WDR87: variants seen among roughly 807,000 people sequenced by gnomAD.
The protein encoded by WDR87 is WD repeat-containing protein 87.
WDR87 carries 56 observed loss-of-function variants against 83.3 expected under a neutral mutation model. That is an observed-to-expected ratio of 0.67 (90% CI 0.54 to 0.84). The LOEUF is 0.84. Ranked by LOEUF, WDR87 falls within the 40% of genes least tolerant of loss-of-function variation. The pLI is 0.00. For synonymous variants in WDR87, 1,173 were observed against 1,250.6 expected, an observed-to-expected ratio of 0.94 and a Z score of 1.31; for missense variants, 2,939 against 3,431.9, an observed-to-expected ratio of 0.86 and a Z score of 3.59.
Position 37,886,108 on chromosome 19 carries a change from G to T in WDR87, c.7563C>A (p.His2521Gln). ...RRTVEAEELQ[H>Q]KPLGAWWKWF... Reference sequence around the variant, plus strand: ...ACTTCCACCAGGCACCTAGTGGTTTGTGTTGGAGTTCCTCAGCTTCCACGG... The same window carrying T: ...ACTTCCACCAGGCACCTAGTGGTTTTTGTTGGAGTTCCTCAGCTTCCACGG... The change falls in exon 6 of 6, where the codon CAC (histidine) becomes CAA (glutamine). Residue 2521 changes from histidine (H) to glutamine (Q), a missense_variant. Physicochemically the swap from His to Gln is conservative, Grantham distance 24. Coordinates refer to ENST00000447313, the MANE Select transcript of WDR87 (RefSeq NM_001291088.2). 1 of 1,551,766 alleles carries T rather than the reference G, an allele frequency of 6.4e-7. No homozygotes were observed. Among genetic ancestry groups the T allele is most frequent in the Non-Finnish European group, 8.7e-7 (1 of 1,147,014 alleles).
In WDR87 at chr19:37,893,042, T is replaced by C. The variant is rs1446865147; in HGVS notation, c.2661A>G (p.Leu887=). 1 of 1,551,764 alleles carries C rather than the reference T, an allele frequency of 6.4e-7. No individual in the cohort carries two copies. Residue 887 remains leucine, a synonymous_variant, in exon 4 of 6, where the codon CTA becomes CTG. Transcript: ENST00000447313. The part of the protein sequence containing the change: ...PKNKEEDEHF[L]EMRLSKDVTY... ...TTACATCCTTGGAAAGTCTCATTTC[T>C]AGGAAGTGTTCATCCTCCTCCTTAT...
At position 37,895,283 on chromosome 19, in the gene WDR87, G is replaced by C. The variant is rs1321029007; in HGVS notation, c.420C>G (p.Phe140Leu). The C allele has an allele frequency of 1.5e-5, 24 of 1,551,616 alleles. No homozygotes were observed. The highest frequency in any genetic ancestry group is 1.8e-5 in the Non-Finnish European group (21 of 1,147,014). Residue 140 changes from phenylalanine to leucine, a missense_variant, in exon 4 of 6, where the codon TTC becomes TTG. By Grantham distance (22) the Phe-to-Leu change is conservative (BLOSUM62 0). Around this residue, in one of 3 missense-constraint regions of WDR87, gnomAD observed 226 missense variants for 320.9 expected, o/e 0.70. Transcript: ENST00000447313. The part of the protein sequence containing the change: ...LRLFGDHFRA[F>L]KPLGKVPCRF... Reference sequence around the variant, plus strand: ...GGCAGGGCACTTTACCCAGGGGTTTGAATGCCCGAAAGTGGTCCCCAAAGA... The same window carrying C: ...GGCAGGGCACTTTACCCAGGGGTTTCAATGCCCGAAAGTGGTCCCCAAAGA...
intron 5 of WDR87, among the ~76,000 whole-genome samples, chr19:37,890,738 C>A (rs2046198256): frequency 1.3e-5 from 2 of 152,156 alleles, no homozygotes; most frequent in Admixed American, 6.5e-5. Flanking sequence ...TGGCCCTAGG[C>A]AACCACTGAT....
intron 2 of WDR87, among the ~76,000 whole-genome samples, chr19:37,896,924 C>A (rs2046260376): frequency 6.6e-6 from 1 of 152,100 alleles, no homozygotes; most frequent in South Asian, 2.1e-4. Flanking sequence ...CCAGCCCCCT[C>A]TAACATTCTC....
rs896465947 is a variant in WDR87 at position 37,893,249 on chromosome 19, A to C, written c.2454T>G (p.Phe818Leu). 4 of 1,551,756 alleles carry C rather than the reference A, an allele frequency of 2.6e-6. No individual in the cohort carries two copies. The African/African-American group carries it at 4.1e-5, about 16-fold the overall frequency. ...AATTGGGGATATAGCAGTCAGGGGCAAAAAGCCATTCCCGCCCATGACCAA... is the reference window on the plus strand; with the variant it reads ...AATTGGGGATATAGCAGTCAGGGGCCAAAAGCCATTCCCGCCCATGACCAA... ...YYFGHGREWL[F>L]APDCYIPNSV... is the part of the protein sequence containing the mutation. Residue 818 changes from phenylalanine (F) to leucine (L), a missense_variant, in exon 4 of 6, where the codon TTT (phenylalanine) becomes TTG (leucine). Coordinates refer to ENST00000447313, the MANE Select transcript of WDR87 (RefSeq NM_001291088.2).
intron 1 of WDR87, among the ~76,000 whole-genome samples, chr19:37,905,261 A>G (rs1420463443): frequency 3.3e-5 from 5 of 151,768 alleles, no homozygotes; most frequent in African/African-American, 1.2e-4. Context: ...GTAGAACTGA[A>G]GCAATGAAAA....
intron 1 of WDR87, among the ~76,000 whole-genome samples, chr19:37,900,727 C>A (rs530164763): frequency 6.6e-6 from 1 of 151,898 alleles, no homozygotes; most frequent in African/African-American, 2.4e-5. Flanking sequence ...TGTCTCTTTC[C>A]ACGCTCCCCA....
chr19:37,892,981 A>C lies in WDR87; in HGVS notation c.2722T>G (p.Trp908Gly). The C allele has an allele frequency of 6.4e-7, 1 of 1,551,938 alleles. No homozygotes were observed. Among genetic ancestry groups the C allele is most frequent in the Non-Finnish European group, 8.7e-7 (1 of 1,147,054 alleles). ...ATTTCACTCATCTTTCTTCCCAGCC[A>C]ACTTCGGTTTGCTCCATCTGTAAGG... ...SVLTDGANRS[W>G]LGRKMSEITI... Residue 908 changes from tryptophan (W) to glycine (G), a missense_variant, in exon 4 of 6, where the codon TGG (tryptophan) becomes GGG (glycine). Around this residue, in one of 3 missense-constraint regions of WDR87, gnomAD observed 2,160 missense variants for 2,533.1 expected, o/e 0.85. Transcript: ENST00000447313.
Position 37,887,524 on chromosome 19 carries a change from C to T in WDR87, c.6147G>A (p.Leu2049=). The T allele has an allele frequency of 1.3e-6, 2 of 1,551,872 alleles. No homozygotes were observed. Among genetic ancestry groups the T allele is most frequent in the African/African-American group, 1.4e-5 (1 of 73,178 alleles). The change falls in exon 6 of 6, where the codon TTG becomes TTA. Residue 2049 remains leucine (L), a synonymous_variant. Transcript: ENST00000447313. ...GTAGCAGTATCTTCTCCTCTAGTGA[C>T]AATTTTCTCTCAAATAGTTCTTGTT... ...QVEQELFERK[L]SLEEKILLHE...
intron 5 of WDR87, 126 bp from the exon 6 acceptor site, chr19:37,890,402 T>TA: frequency 2.6e-6 from 3 of 1,176,084 alleles, no homozygotes; most frequent in Non-Finnish European, 3.3e-6. Context: ...AACTGAGGCC[T>TA]TAAAAAAAAA....
chr19:37,889,310 T>G lies in WDR87; in HGVS notation c.4361A>C (p.Lys1454Thr). ...KAVQKERKVG[K>T]IKREMTKEER... Reference sequence around the variant, plus strand: ...TTCTTTGGTCATTTCCCTCTTTATTTTTCCTACTTTTCTTTCCTTCTGGAC... The same window carrying G: ...TTCTTTGGTCATTTCCCTCTTTATTGTTCCTACTTTTCTTTCCTTCTGGAC... The change falls in exon 6 of 6, where the codon AAA (lysine) becomes ACA (threonine). Residue 1454 changes from lysine (K) to threonine (T), a missense_variant. By Grantham distance (78) the Lys-to-Thr change is moderately conservative (BLOSUM62 -1). Around this residue, in one of 3 missense-constraint regions of WDR87, gnomAD observed 2,160 missense variants for 2,533.1 expected, o/e 0.85. Transcript: ENST00000447313. The G allele has an allele frequency of 6.4e-7, 1 of 1,551,892 alleles. No homozygotes were observed. Among genetic ancestry groups the G allele is most frequent in the Non-Finnish European group, 8.7e-7 (1 of 1,147,026 alleles).
intron 1 of WDR87, among the ~76,000 whole-genome samples, chr19:37,904,033 C>T (rs934932203): frequency 6.6e-6 from 1 of 151,778 alleles, no homozygotes; most frequent in African/African-American, 2.4e-5. Flanking sequence ...CTCAGCCTCC[C>T]GAGTAGCTAC....
chr19:37,890,654 T>A (rs1426230683), intron 5 of WDR87, among the ~76,000 whole-genome samples: 1 of 152,162 alleles, frequency 6.6e-6, no homozygotes, highest in African/African-American at 2.4e-5. Flanking sequence ...AATCAGGATA[T>A]AAGGCATTTC....
At chr19:37,897,943 TTAC>T (rs1446749475) in intron 2 of WDR87, among the ~76,000 whole-genome samples, 2 of 152,142 alleles carry the variant, frequency 1.3e-5, no homozygotes, top group Non-Finnish European at 2.9e-5. Flanking sequence ...TCAGTTCCTC[TTAC>T]AATCCTCCAG....
rs2046187611 is a variant in WDR87, at chr19:37,889,770, A to T, written c.3901T>A (p.Ser1301Thr). The change falls in exon 6 of 6, where the codon TCA becomes ACA. Residue 1301 changes from serine (S) to threonine (T), a missense_variant. By Grantham distance (58) the Ser-to-Thr change is moderately conservative. This residue lies in a region of WDR87 where 2,160 missense variants were observed against 2,533.1 expected (regional missense o/e 0.85). Transcript: ENST00000447313. Reference sequence around the variant, plus strand: ...ACTAGCTCAGCGTTTAGGTTTTCTGACATTTTTGTTTGGGAACCAGATATC... The same window carrying T: ...ACTAGCTCAGCGTTTAGGTTTTCTGTCATTTTTGTTTGGGAACCAGATATC... ...LRISGSQTKM[S>T]ENLNAELVTF... The T allele has an allele frequency of 6.4e-7, 1 of 1,551,588 alleles. No individual in the cohort carries two copies. The highest frequency in any genetic ancestry group is 1.4e-5 in the African/African-American group (1 of 73,040).
Position 37,889,751 on chromosome 19 carries a change from T to C in WDR87, c.3920A>G (p.Glu1307Gly), listed in dbSNP as rs905913563. 1 of 1,551,588 alleles carries C rather than the reference T, an allele frequency of 6.4e-7. No homozygotes were observed. Among genetic ancestry groups the C allele is most frequent in the Non-Finnish European group, 8.7e-7 (1 of 1,147,010 alleles). The change falls in exon 6 of 6, where the codon GAG becomes GGG. Residue 1307 changes from glutamate to glycine, a missense_variant. Physicochemically the swap from Glu to Gly is moderately conservative, Grantham distance 98 (BLOSUM62 -2). This residue lies in a region of WDR87 where 2,160 missense variants were observed against 2,533.1 expected (regional missense o/e 0.85). Transcript: ENST00000447313. The stretch of plus-strand genomic sequence containing the variant: ...CATCTCCTGAGCAAATGTCACTAGC[T>C]CAGCGTTTAGGTTTTCTGACATTTT... ...QTKMSENLNAELVTFAQEMLV... is the reference protein window; with the variant it reads ...QTKMSENLNAGLVTFAQEMLV...
intron 1 of WDR87, among the ~76,000 whole-genome samples, chr19:37,900,703 A>G (rs2046288222): frequency 6.6e-6 from 1 of 151,976 alleles, no homozygotes; most frequent in Non-Finnish European, 1.5e-5. Flanking sequence ...ACTGGCTGGC[A>G]GCACACACCA....
chr19:37,893,137 C>T lies in WDR87; in HGVS notation c.2566G>A (p.Asp856Asn). ...LHAPQRELEW[D>N]RSQEFFFWHS... ...CAGAAAAAGAATTCTTGAGACCTGT[C>T]CCATTCCAGCTCCCGCTGGGGTGCA... Residue 856 changes from aspartate (D) to asparagine (N), a missense_variant, in exon 4 of 6, where the codon GAC (aspartate) becomes AAC (asparagine). Asp to Asn is a conservative substitution (Grantham distance 23). This residue lies in a region of WDR87 where 2,160 missense variants were observed against 2,533.1 expected (regional missense o/e 0.85). Transcript: ENST00000447313. 6.4e-7 allele frequency: 1 copy of T among 1,551,860 alleles called. No individual in the cohort carries two copies. Among genetic ancestry groups the T allele is most frequent in the Non-Finnish European group, 8.7e-7 (1 of 1,147,026 alleles).
rs1437885362 is a variant in WDR87, at chr19:37,887,199, C to T, written c.6472G>A (p.Asp2158Asn). 1 of 1,551,762 alleles carries T rather than the reference C, an allele frequency of 6.4e-7. No homozygotes were observed. The highest frequency in any genetic ancestry group is 1.4e-5 in the African/African-American group (1 of 73,142). ...RRLSIEQSKL[D>N]IKEWDFSEKR... ...TCAGAAAAATCCCACTCTTTGATATCCAGCTTACTCTGTTCTATACTCAAC... is the reference window on the plus strand; with the variant it reads ...TCAGAAAAATCCCACTCTTTGATATTCAGCTTACTCTGTTCTATACTCAAC... Residue 2158 changes from aspartate to asparagine, a missense_variant, in exon 6 of 6, where the codon GAT becomes AAT. Asp to Asn is a conservative substitution (Grantham distance 23). Coordinates refer to ENST00000447313, the MANE Select transcript of WDR87 (RefSeq NM_001291088.2).
Sources: gnomAD v4.1 joint callset for allele counts (sites outside exome capture counted in the v4.1 genomes callset) on GRCh38, gnomAD v4.1.1 for gene constraint, gnomAD v4.1.1 regional missense constraint, MANE v1.5 for transcripts, NCBI Gene and HGNC (gene_info 2026-07-23, HGNC 2026-07-21) for gene names.